AGAP1: variants seen among roughly 807,000 people sequenced by gnomAD.
AGAP1 encodes arf-GAP with GTPase, ANK repeat and PH domain-containing protein 1.
In AGAP1, 29 loss-of-function variants were observed where a neutral mutation model predicts 105.3. The observed-to-expected ratio is 0.28, with a 90% confidence interval of 0.21 to 0.38. The LOEUF (loss-of-function observed/expected upper bound fraction) is 0.38, where lower values mean the gene tolerates loss of function less well. AGAP1 is among the 10% of genes least tolerant of loss of function. The probability of loss-of-function intolerance (pLI) is 1.00; values close to 1 mark genes in which losing one functional copy is unlikely to be tolerated. For synonymous variants in AGAP1, 509 were observed against 485.9 expected, an observed-to-expected ratio of 1.05 and a Z score of -0.63; for missense variants, 998 against 1,165.1, an observed-to-expected ratio of 0.86 and a Z score of 2.09.
intron 1 of AGAP1, among the ~76,000 whole-genome samples, chr2:235,640,496 C>T (rs1437105658): frequency 6.6e-6 from 1 of 152,170 alleles, no homozygotes; most frequent in Non-Finnish European, 1.5e-5. Context: ...ACCATTTTTC[C>T]CCACTGACAG....
chr2:235,964,074 G>A lies in AGAP1; in HGVS notation c.1484-4388G>A, dbSNP rs2054293376. On this transcript the variant is annotated intron_variant, in intron 12 of 17. Coordinates refer to ENST00000304032, the MANE Select transcript of AGAP1 (RefSeq NM_001037131.3). The surrounding 1 kb of genome is among the most constrained non-coding windows in gnomAD (Gnocchi z 4.6). ...GGTTGCCCTGGGCACAGGCATGCTA[G>A]TTAGATTGAGATAAGCGACTGGCAG... is the stretch of plus-strand genomic sequence containing the variant. Among the ~76,000 whole-genome samples, 1 of 152,200 alleles carries A rather than the reference G, an allele frequency of 6.6e-6. No homozygotes were observed. Among genetic ancestry groups the A allele is most frequent in the Non-Finnish European group, 1.5e-5 (1 of 68,044 alleles).
At chr2:235,524,204 A>G (rs1942740940) in intron 1 of AGAP1, 1 of 153,026 alleles carries the variant, frequency 6.5e-6, no homozygotes. Context: ...ACCCAGCAAC[A>G]CCCAGGGACT....
Position 235,739,666 on chromosome 2 carries a change from C to A in AGAP1, c.311-1297C>A, listed in dbSNP as rs1054803801. Among the ~76,000 whole-genome samples, 8 of 152,398 alleles carry A rather than the reference C, an allele frequency of 5.2e-5. No individual in the cohort carries two copies. Among genetic ancestry groups the A allele is most frequent in the East Asian group, 1.9e-4 (1 of 5,184 alleles). ...GGCATAGGTGTTGAGTGTGAGCACA[C>A]GAGCATGGCAGGAGCTCGCGGGAAC... On this transcript the variant is annotated intron_variant, in intron 3 of 17. Transcript: ENST00000304032. This position sits in a 1 kb window ranked among gnomAD's most constrained non-coding sequence, Gnocchi z 5.3.
chr2:236,103,421 T>TG (rs2059407647), intron 16 of AGAP1, among the ~76,000 whole-genome samples: 1 of 151,998 alleles, frequency 6.6e-6, no homozygotes, highest in South Asian at 2.1e-4. Context: ...CTGACCCTGC[T>TG]GGGCCACTCC....
intron 1 of AGAP1, among the ~76,000 whole-genome samples, chr2:235,647,430 C>T (rs568699093): frequency 3.9e-4 from 59 of 152,210 alleles, no homozygotes; most frequent in African/African-American, 1.3e-3. Flanking sequence ...CTCTGTCACC[C>T]GGGCCGGAGT....
rs958932857 is a variant in AGAP1 at position 235,740,181 on chromosome 2, G to A, written c.311-782G>A. On this transcript the variant is annotated intron_variant, in intron 3 of 17. Coordinates refer to ENST00000304032, the MANE Select transcript of AGAP1 (RefSeq NM_001037131.3). This position sits in a 1 kb window ranked among gnomAD's most constrained non-coding sequence, Gnocchi z 5.7. ...AGCAGGAGCAGGGCTGGCCTAGCGG[G>A]CCGGGCTGGGCACTGCAGCAACCTT... 3.3e-5 allele frequency among the ~76,000 whole-genome samples: 5 copies of A among 152,156 alleles called. No homozygotes were observed. Among genetic ancestry groups the A allele is most frequent in the African/African-American group, 1.2e-4 (5 of 41,434 alleles).
chr2:236,099,334 A>G (rs1220636567), intron 16 of AGAP1, among the ~76,000 whole-genome samples: 1 of 152,010 alleles, frequency 6.6e-6, no homozygotes, highest in African/African-American at 2.4e-5. Context: ...GAGCGCCTGT[A>G]GTCCCAGCTG....
At position 235,556,140 on chromosome 2, in the gene AGAP1, G is replaced by A. The variant is rs900102086; in HGVS notation, c.163+61291G>A. ...TGAGACCTGAAGAAGGGTTGTGCAT[G>A]TGGGAGGGAGCCAGCCTGGTGGACC... On this transcript the variant is annotated intron_variant, in intron 1 of 17. Transcript: ENST00000304032. The surrounding 1 kb of genome is among the most constrained non-coding windows in gnomAD (Gnocchi z 5.3). 1.3e-5 allele frequency among the ~76,000 whole-genome samples: 2 copies of A among 152,218 alleles called. No homozygotes were observed. The highest frequency in any genetic ancestry group is 4.8e-5 in the African/African-American group (2 of 41,448).
At chr2:235,702,149 G>A (rs115538753) in intron 1 of AGAP1, among the ~76,000 whole-genome samples, 4,435 of 152,182 alleles carry the variant, frequency 0.029, 102 homozygotes, top group South Asian at 0.046. Flanking sequence ...ATTGGGGGCT[G>A]GGCTGGGGGT....
intron 12 of AGAP1, among the ~76,000 whole-genome samples, chr2:235,950,506 G>T (rs2053686753): frequency 6.6e-6 from 1 of 152,158 alleles, no homozygotes; most frequent in South Asian, 2.1e-4. Flanking sequence ...GCTGGGAAGG[G>T]AGGGAGGGAC....
intron 10 of AGAP1, among the ~76,000 whole-genome samples, chr2:235,896,325 C>T (rs1295893754): frequency 2.0e-5 from 3 of 152,210 alleles, no homozygotes; most frequent in African/African-American, 7.2e-5. Context: ...TATGTACACA[C>T]CACATTTTGT....
intron 1 of AGAP1, among the ~76,000 whole-genome samples, chr2:235,595,689 G>A (rs931681276): frequency 1.3e-5 from 2 of 152,258 alleles, no homozygotes; most frequent in East Asian, 3.9e-4. Flanking sequence ...TTGCTAAAGC[G>A]TGCTCACTAA....
In AGAP1 at chr2:235,983,998, G is replaced by A. The variant is rs2055199435; in HGVS notation, c.1645+15375G>A. Among the ~76,000 whole-genome samples the A allele has an allele frequency of 1.3e-5, 2 of 152,200 alleles. No homozygotes were observed. The highest frequency in any genetic ancestry group is 4.2e-4 in the South Asian group (2 of 4,816). On this transcript the variant is annotated intron_variant, in intron 13 of 17. Transcript: ENST00000304032. This position sits in a 1 kb window ranked among gnomAD's most constrained non-coding sequence, Gnocchi z 4.5. ...TTCACAGTGCTGGACAACCATGACC[G>A]CCATTCCCAAAACATTTTCTTCACT...
chr2:235,998,430 T>C (rs929602159), intron 13 of AGAP1, among the ~76,000 whole-genome samples: 23 of 152,002 alleles, frequency 1.5e-4, no homozygotes, highest in African/African-American at 5.3e-4. Context: ...GGCTCCAGGG[T>C]CCCTCTAACT....
rs1404103369 is a variant in AGAP1, at chr2:236,055,269, ACTTT to A, written c.2114+5992_2114+5995del. 6.6e-6 allele frequency among the ~76,000 whole-genome samples: 1 copy of A among 152,134 alleles called. No homozygotes were observed. The highest frequency in any genetic ancestry group is 1.5e-5 in the Non-Finnish European group (1 of 68,026). ...TAACAATTATAGCAAGGACAGTTTA[ACTTT>A]CTTCTTCGCCGTGCAGACCCCCCTA... On this transcript the variant is annotated intron_variant, in intron 16 of 17. Coordinates refer to ENST00000304032, the MANE Select transcript of AGAP1 (RefSeq NM_001037131.3). The surrounding 1 kb of genome is among the most constrained non-coding windows in gnomAD (Gnocchi z 6.2).
rs1220862853 is a variant in AGAP1, at chr2:236,120,047, C to T, written c.2115-145C>T. On this transcript the variant is annotated intron_variant, in intron 16 of 17. Transcript: ENST00000304032. This position sits in a 1 kb window ranked among gnomAD's most constrained non-coding sequence, Gnocchi z 6.0. ...TTTGTGAAGGTGGATAAACGTTTCC[C>T]CCAGGGGGCTTTGTGCCGAGTGAAG... The T allele has an allele frequency of 8.5e-7, 1 of 1,174,844 alleles. No homozygotes were observed. Among genetic ancestry groups the T allele is most frequent in the East Asian group, 2.5e-5 (1 of 40,142 alleles). The allele number at this position is 1,174,844 out of a possible 1,614,324, so 72.8% of individuals were successfully genotyped here.
chr2:235,897,868 A>C (rs1467352294), intron 10 of AGAP1, among the ~76,000 whole-genome samples: 1 of 152,130 alleles, frequency 6.6e-6, no homozygotes, highest in African/African-American at 2.4e-5. Context: ...AGGTCTTGGA[A>C]GGTAGGTAGG....
rs1348839678 is a variant in AGAP1 at position 236,061,250 on chromosome 2, A to G, written c.2114+11969A>G. On this transcript the variant is annotated intron_variant, in intron 16 of 17. Transcript: ENST00000304032. This position sits in a 1 kb window ranked among gnomAD's most constrained non-coding sequence, Gnocchi z 4.1. ...CGGTCGTGGCAAGTGTTGGTGAGGA[A>G]CGTGGAGACACTGGTGCAGCCACTT... 6.6e-6 allele frequency among the ~76,000 whole-genome samples: 1 copy of G among 152,170 alleles called. No individual in the cohort carries two copies. The highest frequency in any genetic ancestry group is 1.5e-5 in the Non-Finnish European group (1 of 68,026).
intron 16 of AGAP1, among the ~76,000 whole-genome samples, chr2:236,068,693 A>G (rs1308970190): frequency 1.4e-5 from 2 of 146,892 alleles, no homozygotes; most frequent in African/African-American, 5.1e-5. Flanking sequence ...CCAGCTACTC[A>G]GGAGGCTGAG....
Sources: gnomAD v4.1 joint callset for allele counts (sites outside exome capture counted in the v4.1 genomes callset) on GRCh38, gnomAD v4.1.1 for gene constraint, Gnocchi (gnomAD v3.1) non-coding constraint, MANE v1.5 for transcripts, NCBI Gene and HGNC (gene_info 2026-07-23, HGNC 2026-07-21) for gene names.